Variants in EPHA3 observed in about 807,000 individuals in gnomAD.
The protein encoded by EPHA3 is ephrin type-A receptor 3.
A neutral mutation model predicts 107.1 loss-of-function variants in EPHA3; 42 were observed. The observed-to-expected ratio is 0.39, with a 90% CI of 0.31 to 0.51. The LOEUF (loss-of-function observed/expected upper bound fraction) is 0.51. EPHA3 is among the 20% of genes least tolerant of loss of function. The pLI is 0.78. For missense variants in EPHA3, 1,183 were observed against 1,211.2 expected (o/e 0.98, Z 0.35); for synonymous variants, 461 against 424.8 (o/e 1.09, Z -1.05).
chr3:89,117,290 A>C (rs1160030246), intron 1 of EPHA3, among the ~76,000 whole-genome samples: 2 of 152,118 alleles, frequency 1.3e-5, no homozygotes, highest in Non-Finnish European at 2.9e-5. Context: ...GCCTATGATA[A>C]AGTTGATTGA....
chr3:89,352,105 C>A (rs1434263958), intron 5 of EPHA3, among the ~76,000 whole-genome samples: 2 of 151,014 alleles, frequency 1.3e-5, no homozygotes, highest in Non-Finnish European at 1.5e-5. Context: ...ATAGAAGGTG[C>A]ACTAATTTAT....
At position 89,425,887 on chromosome 3, in the gene EPHA3, C is replaced by T. The variant is rs572066483; in HGVS notation, c.2075-3219C>T. Among the ~76,000 whole-genome samples, 23 of 151,552 alleles carry T rather than the reference C, an allele frequency of 1.5e-4. No individual in the cohort carries two copies. In the South Asian group the frequency reaches 3.9e-3, roughly 26 times the overall value. On this transcript the variant is annotated intron_variant, in intron 11 of 16. Transcript: ENST00000336596. ...GCGATTCAATGACTAGTAATAGCTC[C>T]GAGCCACTGGGGATAGTTGGGAAAA...
chr3:89,317,532 A>G (rs891799407), intron 3 of EPHA3, among the ~76,000 whole-genome samples: 2 of 151,806 alleles, frequency 1.3e-5, no homozygotes, highest in Non-Finnish European at 2.9e-5. Flanking sequence ...CTTAATCTCT[A>G]TCTATACCAT....
At chr3:89,181,890 G>A (rs2107120739) in intron 2 of EPHA3, among the ~76,000 whole-genome samples, 1 of 152,022 alleles carries the variant, frequency 6.6e-6, no homozygotes, top group Non-Finnish European at 1.5e-5. Flanking sequence ...ATTATTCCTT[G>A]GCAAAATGCT....
At chr3:89,140,146 A>C (rs538658054) in intron 2 of EPHA3, among the ~76,000 whole-genome samples, 1 of 151,916 alleles carries the variant, frequency 6.6e-6, no homozygotes, top group South Asian at 2.1e-4. Flanking sequence ...TTCTTAACTC[A>C]TTTTCTGACA....
At chr3:89,319,843 G>C (rs1384756328) in intron 3 of EPHA3, among the ~76,000 whole-genome samples, 2 of 151,906 alleles carry the variant, frequency 1.3e-5, no homozygotes, top group African/African-American at 4.8e-5. Flanking sequence ...TGGTGTAACA[G>C]CTTGATCTTA....
At chr3:89,121,250 A>T (rs1364734649) in intron 1 of EPHA3, among the ~76,000 whole-genome samples, 1 of 151,936 alleles carries the variant, frequency 6.6e-6, no homozygotes, top group Non-Finnish European at 1.5e-5. Context: ...AAATAAATAA[A>T]TAAATAAATA....
In EPHA3 at chr3:89,341,808, A is replaced by C. The variant is rs372301564; in HGVS notation, c.1024A>C (p.Ile342Leu). ...CTCTAATATAAACGAGACCTCAGTT[A>C]TCCTGGACTGGAGTTGGCCCCTGGA... Reference protein sequence around the residue: ...VISNINETSVILDWSWPLDTG... With the variant: ...VISNINETSVLLDWSWPLDTG... The change falls in exon 5 of 17, where the codon ATC (isoleucine) becomes CTC (leucine). Residue 342 changes from isoleucine to leucine, a missense_variant. By Grantham distance (5) the Ile-to-Leu change is conservative. Transcript: ENST00000336596. The C allele has an allele frequency of 6.2e-7, 1 of 1,613,936 alleles. No homozygotes were observed. The highest frequency in any genetic ancestry group is 8.5e-7 in the Non-Finnish European group (1 of 1,180,024).
chr3:89,237,570 TA>T (rs1440123094), intron 3 of EPHA3, among the ~76,000 whole-genome samples: 2 of 152,186 alleles, frequency 1.3e-5, no homozygotes, highest in East Asian at 3.9e-4. Context: ...CTGACTTGTA[TA>T]AAAAGTTAGT....
intron 3 of EPHA3, among the ~76,000 whole-genome samples, chr3:89,282,463 T>C (rs74685460): frequency 0.031 from 4,742 of 152,198 alleles, 138 homozygotes; most frequent in South Asian, 0.056. Flanking sequence ...TACTTTTCAT[T>C]TGGGAGTTTC....
At chr3:89,284,284 G>T (rs1706024910) in intron 3 of EPHA3, among the ~76,000 whole-genome samples, 1 of 151,960 alleles carries the variant, frequency 6.6e-6, no homozygotes, top group African/African-American at 2.4e-5. Context: ...AATAGACTCA[G>T]GTAGAGTGAC....
chr3:89,129,518 T>C (rs1704157990), intron 2 of EPHA3, among the ~76,000 whole-genome samples: 1 of 151,714 alleles, frequency 6.6e-6, no homozygotes, highest in East Asian at 1.9e-4. Context: ...ATATAGTGTA[T>C]ATTTCCTTTA....
chr3:89,109,589 A>T (rs1707053141), intron 1 of EPHA3, among the ~76,000 whole-genome samples: 1 of 152,012 alleles, frequency 6.6e-6, no homozygotes, highest in Admixed American at 6.5e-5. Context: ...GTAAACTGCA[A>T]GAGAAAAAAA....
At chr3:89,230,741 G>A (rs1704609400) in intron 3 of EPHA3, among the ~76,000 whole-genome samples, 1 of 150,526 alleles carries the variant, frequency 6.6e-6, no homozygotes. Flanking sequence ...AGATTTTATA[G>A]TACATCTAGA....
chr3:89,306,971 C>A lies in EPHA3; in HGVS notation c.815-33945C>A, dbSNP rs1273726128. Reference sequence around the variant, plus strand: ...CATTAACATAGTTCTCTGTTATTCTCACATTTCAAAAATCAGACATAAAAT... The same window carrying A: ...CATTAACATAGTTCTCTGTTATTCTAACATTTCAAAAATCAGACATAAAAT... On this transcript the variant is annotated intron_variant, in intron 3 of 16. Coordinates refer to ENST00000336596, the MANE Select transcript of EPHA3 (RefSeq NM_005233.6). Among the ~76,000 whole-genome samples, 3 of 152,100 alleles carry A rather than the reference C, an allele frequency of 2.0e-5. No homozygotes were observed. The East Asian group carries it at 5.8e-4, about 29-fold the overall frequency.
chr3:89,283,555 C>G (rs559107261), intron 3 of EPHA3, among the ~76,000 whole-genome samples: 29 of 152,032 alleles, frequency 1.9e-4, no homozygotes, highest in Non-Finnish European at 3.7e-4. Flanking sequence ...TATGCATTTC[C>G]CAACCAATGA....
intron 3 of EPHA3, among the ~76,000 whole-genome samples, chr3:89,256,742 T>C (rs982599368): frequency 2.0e-5 from 3 of 152,204 alleles, no homozygotes; most frequent in African/African-American, 7.2e-5. Flanking sequence ...TTTCATTCAA[T>C]AGCAAATGTT....
intron 2 of EPHA3, among the ~76,000 whole-genome samples, chr3:89,162,094 T>C (rs1345798950): frequency 6.6e-6 from 1 of 151,876 alleles, no homozygotes; most frequent in African/African-American, 2.4e-5. Context: ...AAGTAAGAGA[T>C]TTACACAGGA....
chr3:89,265,552 ATTAAT>A (rs1328319452), intron 3 of EPHA3, among the ~76,000 whole-genome samples: 1 of 152,182 alleles, frequency 6.6e-6, no homozygotes, highest in Admixed American at 6.6e-5. Context: ...TATTATTTAA[ATTAAT>A]TTATATTCTC....
Sources: gnomAD v4.1 joint callset for allele counts (sites outside exome capture counted in the v4.1 genomes callset) on GRCh38, gnomAD v4.1.1 for gene constraint, MANE v1.5 for transcripts, NCBI Gene and HGNC (gene_info 2026-07-23, HGNC 2026-07-21) for gene names.